The following OLAH variants were observed in gnomAD, a reference collection of about 807,000 sequenced individuals.
OLAH encodes S-acyl fatty acid synthase thioesterase, medium chain.
OLAH carries 33 observed loss-of-function variants against 27.8 expected under a neutral mutation model. The ratio of observed to expected loss-of-function variants is 1.19; its 90% CI spans 0.90 to 1.59. The LOEUF is 1.59. Ranked by LOEUF, OLAH falls within the 40% of genes most tolerant of loss-of-function variation. The probability of loss-of-function intolerance (pLI) is 0.00; values close to 1 mark genes in which losing one functional copy is unlikely to be tolerated. For missense variants in OLAH, 359 were observed against 310.8 expected (o/e 1.16, Z -1.17); for synonymous variants, 120 against 102.9 (o/e 1.17, Z -1.01).
intron 7 of OLAH, among the ~76,000 whole-genome samples, chr10:15,072,606 A>T (rs902559469): frequency 6.6e-6 from 1 of 152,074 alleles, no homozygotes; most frequent in Non-Finnish European, 1.5e-5. Context: ...TTTTAGGGTG[A>T]GGGGCTTATT....
intron 3 of OLAH, among the ~76,000 whole-genome samples, chr10:15,052,713 TG>T (rs533658702): frequency 6.6e-6 from 1 of 151,962 alleles, no homozygotes; most frequent in East Asian, 1.9e-4. Flanking sequence ...CTTGGTAATT[TG>T]TTTGGAGGGC....
chr10:15,071,561 A>T lies in OLAH; in HGVS notation c.573-234A>T, dbSNP rs1027398342. On this transcript the variant is annotated intron_variant, in intron 6 of 7. Transcript: ENST00000378228. ...GAGTTGAACTGTGTGCCCCAGTGCC[A>T]TCCTGCTGCCACGTGTCACATCCTA... 5.1e-6 allele frequency: 5 copies of T among 985,316 alleles called. No homozygotes were observed. In the African/African-American group the frequency reaches 8.7e-5, roughly 17 times the overall value. The allele number at this position is 985,316 out of a possible 1,614,324, so 61.0% of individuals were successfully genotyped here.
At chr10:15,065,517 G>C in intron 5 of OLAH, 67 bp from the exon 6 acceptor site, 1 of 1,501,486 alleles carries the variant, frequency 6.7e-7, no homozygotes, top group Non-Finnish European at 8.9e-7. Flanking sequence ...TAGATCAACA[G>C]TTTTCAGTTT....
chr10:15,073,055 T>C, intron 7 of OLAH, 32 bp from the exon 8 acceptor site: 1 of 1,601,840 alleles, frequency 6.2e-7, no homozygotes, highest in South Asian at 1.1e-5. Flanking sequence ...GCTGTTGGTG[T>C]TGTTATTGAA....
At chr10:15,044,463 T>C (rs1843977231) in intron 1 of OLAH, among the ~76,000 whole-genome samples, 1 of 151,734 alleles carries the variant, frequency 6.6e-6, no homozygotes, top group Non-Finnish European at 1.5e-5. Flanking sequence ...TTTCTTTTTT[T>C]TTAAATTTTG....
chr10:15,034,044 T>A (rs1032447334), intron 1 of OLAH, among the ~76,000 whole-genome samples: 2 of 150,464 alleles, frequency 1.3e-5, no homozygotes, highest in African/African-American at 4.9e-5. Flanking sequence ...AAAGGGAAAC[T>A]ACCAGGAGAG....
intron 3 of OLAH, among the ~76,000 whole-genome samples, chr10:15,051,008 C>T (rs933576453): frequency 6.6e-6 from 1 of 150,732 alleles, no homozygotes; most frequent in African/African-American, 2.4e-5. Context: ...ACAATATGCA[C>T]TTTTTTATTT....
At chr10:15,066,367 T>G (rs1391871239) in intron 6 of OLAH, among the ~76,000 whole-genome samples, 1 of 152,140 alleles carries the variant, frequency 6.6e-6, no homozygotes, top group Non-Finnish European at 1.5e-5. Flanking sequence ...CATTTTCATC[T>G]TCTTAGAAGG....
chr10:15,050,762 C>G (rs1331007307), intron 3 of OLAH, among the ~76,000 whole-genome samples: 3 of 151,666 alleles, frequency 2.0e-5, no homozygotes, highest in Non-Finnish European at 4.4e-5. Context: ...AGGATGGTCT[C>G]AATCTCCTGA....
At chr10:15,071,769 A>G in intron 6 of OLAH, 26 bp from the exon 7 acceptor site, 1 of 1,568,164 alleles carries the variant, frequency 6.4e-7, no homozygotes, top group Non-Finnish European at 8.7e-7. Flanking sequence ...TCAAACAATT[A>G]CTAACCAGCT....
intron 3 of OLAH, among the ~76,000 whole-genome samples, chr10:15,060,936 T>C (rs1055129715): frequency 1.3e-5 from 2 of 152,212 alleles, no homozygotes; most frequent in African/African-American, 4.8e-5. Context: ...GGGATCAGCT[T>C]GATGTTTGAT....
At chr10:15,056,717 A>T (rs1844252243) in intron 3 of OLAH, 1 of 1,201,592 alleles carries the variant, frequency 8.3e-7, no homozygotes, top group Non-Finnish European at 1.0e-6. Context: ...TGCAGCCTTA[A>T]CTTTTCAGCC....
At chr10:15,066,604 A>ATTTT (rs1209372275) in intron 6 of OLAH, among the ~76,000 whole-genome samples, 4 of 145,324 alleles carry the variant, frequency 2.8e-5, no homozygotes, top group Non-Finnish European at 6.0e-5. Context: ...TCCTATTTTT[A>ATTTT]TTTTATTTAT....
At chr10:15,058,949 T>G (rs1477887039) in intron 3 of OLAH, among the ~76,000 whole-genome samples, 1 of 136,014 alleles carries the variant, frequency 7.4e-6, no homozygotes, top group East Asian at 2.4e-4. Context: ...TCTCCTTCCC[T>G]TCCCTCCCTC....
intron 3 of OLAH, 62 bp downstream of exon 3, chr10:15,049,827 A>G: frequency 6.6e-7 from 1 of 1,514,230 alleles, no homozygotes; most frequent in South Asian, 1.3e-5. Flanking sequence ...AATGTATTAG[A>G]ATTTGAAGTT....
intron 1 of OLAH, among the ~76,000 whole-genome samples, chr10:15,032,635 A>G (rs566458056): frequency 1.5e-4 from 23 of 151,852 alleles, no homozygotes; most frequent in African/African-American, 3.4e-4. Context: ...AAAAAAAAAA[A>G]AAAAGAAAAA....
At chr10:15,070,864 C>T (rs765547087) in intron 6 of OLAH, among the ~76,000 whole-genome samples, 6 of 150,076 alleles carry the variant, frequency 4.0e-5, no homozygotes, top group Non-Finnish European at 7.4e-5. Flanking sequence ...CAGCTCACTG[C>T]AGCCTTGACC....
intron 4 of OLAH, 34 bp from the exon 5 acceptor site, chr10:15,064,369 C>T (rs1257699483): frequency 8.4e-6 from 11 of 1,315,574 alleles, no homozygotes; most frequent in African/African-American, 1.5e-5. Flanking sequence ...TTTTGCTTAA[C>T]AGTTCTTGTC....
intron 6 of OLAH, chr10:15,071,461 G>C: frequency 2.1e-6 from 2 of 934,408 alleles, no homozygotes; most frequent in Non-Finnish European, 2.6e-6. Flanking sequence ...GCTGGGCCAA[G>C]GAGAGCTAAG....
Sources: allele counts gnomAD v4.1 joint callset (sites outside exome capture counted in the v4.1 genomes callset), GRCh38; gene constraint gnomAD v4.1.1; transcripts MANE v1.5; gene names NCBI Gene and HGNC (gene_info 2026-07-23, HGNC 2026-07-21).